RPS6KC1: variants seen among roughly 807,000 people sequenced by gnomAD.
The protein encoded by RPS6KC1 is ribosomal protein S6 kinase C1, also known as inactive ribosomal protein S6 kinase delta-1.
Under a neutral mutation model 103.8 loss-of-function variants are expected in RPS6KC1, and 54 were observed. That is an observed-to-expected ratio of 0.52 (90% CI 0.42 to 0.65). The LOEUF is 0.65. Among genes scored for constraint, RPS6KC1 ranks in the 30% least tolerant of loss-of-function variants. RPS6KC1 has a pLI of 0.00. For missense variants in RPS6KC1, 1,151 were observed against 1,253.8 expected (o/e 0.92, Z 1.24); for synonymous variants, 439 against 438.7 (o/e 1.00, Z -0.01).
intron 12 of RPS6KC1, among the ~76,000 whole-genome samples, chr1:213,256,808 A>G (rs1417345437): frequency 6.6e-6 from 1 of 152,184 alleles, no homozygotes; most frequent in East Asian, 1.9e-4. Flanking sequence ...CATAAAGCCT[A>G]CTTCTTAGAC....
rs745952995 is a variant in RPS6KC1, at chr1:213,117,340, T to C, written c.402T>C (p.Ser134=). The C allele has an allele frequency of 4.4e-6, 7 of 1,605,306 alleles. No individual in the cohort carries two copies. Among genetic ancestry groups the C allele is most frequent in the South Asian group, 1.1e-5 (1 of 90,784 alleles). Residue 134 remains serine, a synonymous_variant, in exon 5 of 15, where the codon TCT becomes TCC. Coordinates refer to ENST00000366960, the MANE Select transcript of RPS6KC1 (RefSeq NM_012424.6). ...FFKGGIINDS[S]ELIGPAEAHS... is the part of the protein sequence containing the mutation. The stretch of plus-strand genomic sequence containing the variant: ...AGGGTGGAATAATTAATGATAGTTC[T>C]GAATTAATTGGTCCTGCTGAAGCTC...
chr1:213,740,363 CAG>C, the RPS6KC1 span, among the ~76,000 whole-genome samples: 1 of 152,046 alleles, frequency 6.6e-6, no homozygotes, highest in Non-Finnish European at 1.5e-5. Flanking sequence ...TTAACAAAAA[CAG>C]TGAAAATCCC....
At chr1:213,271,649 A>G (rs796344709) in intron 14 of RPS6KC1, among the ~76,000 whole-genome samples, 1 of 151,800 alleles carries the variant, frequency 6.6e-6, no homozygotes, top group Non-Finnish European at 1.5e-5. Context: ...CTGTAGTCCC[A>G]GCTACACGGG....
At chr1:213,438,045 T>C in the RPS6KC1 span, among the ~76,000 whole-genome samples, 1 of 152,182 alleles carries the variant, frequency 6.6e-6, no homozygotes, top group Non-Finnish European at 1.5e-5. Flanking sequence ...TATCTTCCAG[T>C]TGAATAACTT....
intron 8 of RPS6KC1, among the ~76,000 whole-genome samples, chr1:213,213,273 C>T (rs2093564812): frequency 6.6e-6 from 1 of 152,208 alleles, no homozygotes; most frequent in Non-Finnish European, 1.5e-5. Context: ...TCTAGATTCA[C>T]ATTTTTGCAT....
intron 5 of RPS6KC1, among the ~76,000 whole-genome samples, chr1:213,123,157 T>C (rs1040883740): frequency 2.0e-5 from 3 of 152,130 alleles, no homozygotes; most frequent in Non-Finnish European, 4.4e-5. Flanking sequence ...GAACTATATT[T>C]TGAAATGAAG....
chr1:213,734,938 G>A, the RPS6KC1 span, among the ~76,000 whole-genome samples: 5 of 152,044 alleles, frequency 3.3e-5, no homozygotes, highest in African/African-American at 7.2e-5. Flanking sequence ...TGTTGTTGTT[G>A]TTTTTGAGAC....
At chr1:213,665,892 C>T in the RPS6KC1 span, among the ~76,000 whole-genome samples, 1 of 152,154 alleles carries the variant, frequency 6.6e-6, no homozygotes, top group Non-Finnish European at 1.5e-5. Flanking sequence ...CATGGTAAGA[C>T]ATCCAAGTTA....
chr1:213,384,262 C>T, the RPS6KC1 span, among the ~76,000 whole-genome samples: 5 of 149,638 alleles, frequency 3.3e-5, no homozygotes, highest in East Asian at 2.0e-4. Flanking sequence ...AGTGACAGAG[C>T]GAGACTCCAT....
rs556073177 is a variant in RPS6KC1, at chr1:213,226,316, T to C, written c.1045-4181T>C. Among the ~76,000 whole-genome samples the C allele has an allele frequency of 5.3e-5, 8 of 152,194 alleles. No homozygotes were observed. In the South Asian group the frequency reaches 1.7e-3, roughly 32 times the overall value. ...AGATTCAACAGATGTTCAACAGATA[T>C]TTATTGAGCTCTCCTTTGCAGAAGG... On this transcript the variant is annotated intron_variant, in intron 8 of 14. Coordinates refer to ENST00000366960, the MANE Select transcript of RPS6KC1 (RefSeq NM_012424.6).
the RPS6KC1 span, among the ~76,000 whole-genome samples, chr1:213,398,850 C>T: frequency 6.6e-6 from 1 of 152,064 alleles, no homozygotes; most frequent in African/African-American, 2.4e-5. Flanking sequence ...CTTAGAGTTA[C>T]ATAAAAGTCA....
chr1:213,689,992 A>C, the RPS6KC1 span, among the ~76,000 whole-genome samples: 1 of 152,052 alleles, frequency 6.6e-6, no homozygotes, highest in African/African-American at 2.4e-5. Context: ...CCACATTTCC[A>C]AGCTCTCATC....
At chr1:213,603,896 A>C in the RPS6KC1 span, among the ~76,000 whole-genome samples, 2 of 152,130 alleles carry the variant, frequency 1.3e-5, no homozygotes, top group Admixed American at 6.5e-5. Flanking sequence ...AAAAAGAAAA[A>C]AAAATTTTTT....
At chr1:213,753,956 C>T in the RPS6KC1 span, among the ~76,000 whole-genome samples, 2 of 152,178 alleles carry the variant, frequency 1.3e-5, no homozygotes, top group Non-Finnish European at 2.9e-5. Context: ...AATACCTCTC[C>T]ACCATGCCCC....
At chr1:213,657,894 A>G in the RPS6KC1 span, among the ~76,000 whole-genome samples, 6 of 152,210 alleles carry the variant, frequency 3.9e-5, no homozygotes, top group African/African-American at 1.4e-4. Context: ...GATGAATAAC[A>G]TATTTTCTAT....
rs758442378 is a variant in RPS6KC1, at chr1:213,228,973, T to G, written c.1045-1524T>G. 3.9e-5 allele frequency among the ~76,000 whole-genome samples: 6 copies of G among 152,234 alleles called. No homozygotes were observed. The East Asian group carries it at 7.7e-4, about 20-fold the overall frequency. ...AATTGTTGAATCCTGGATCAGTCAC[T>G]TGTTCTGAAGGTGGGAGACAGGAGA... On this transcript the variant is annotated intron_variant, in intron 8 of 14. Transcript: ENST00000366960.
At chr1:213,261,733 AG>A in intron 13 of RPS6KC1, 93 bp downstream of exon 13, 1 of 1,088,144 alleles carries the variant, frequency 9.2e-7, no homozygotes, top group Non-Finnish European at 1.4e-6. Context: ...TTTTTAAATC[AG>A]GGACTAAGCA....
At chr1:213,167,320 TC>T (rs2091048418) in intron 6 of RPS6KC1, among the ~76,000 whole-genome samples, 1 of 152,120 alleles carries the variant, frequency 6.6e-6, no homozygotes, top group Non-Finnish European at 1.5e-5. Context: ...AGAAGAGGGT[TC>T]TACTAGTAGT....
the RPS6KC1 span, among the ~76,000 whole-genome samples, chr1:213,704,214 C>T: frequency 0.012 from 1,843 of 150,762 alleles, 30 homozygotes; most frequent in African/African-American, 0.04. Context: ...GGTGAAACCC[C>T]GTCTCTACTA....
Sources: allele counts gnomAD v4.1 joint callset (sites outside exome capture counted in the v4.1 genomes callset), GRCh38; gene constraint gnomAD v4.1.1; transcripts MANE v1.5; gene names NCBI Gene and HGNC (gene_info 2026-07-23, HGNC 2026-07-21).